Variants in PDE7B observed in about 807,000 individuals in gnomAD.
PDE7B encodes phosphodiesterase 7B.
PDE7B carries 29 observed loss-of-function variants against 56.2 expected under a neutral mutation model. The observed-to-expected ratio is 0.52, with a 90% CI of 0.38 to 0.70. PDE7B has a LOEUF of 0.70. Among genes scored for constraint, PDE7B ranks in the 30% least tolerant of loss-of-function variants. PDE7B has a pLI of 0.00. For synonymous variants in PDE7B, 197 were observed against 196.9 expected, an observed-to-expected ratio of 1.00 and a Z score of 0.00; for missense variants, 490 against 565.0, an observed-to-expected ratio of 0.87 and a Z score of 1.35.
chr6:136,141,703 A>G (rs1235900998), intron 3 of PDE7B, among the ~76,000 whole-genome samples: 3 of 152,142 alleles, frequency 2.0e-5, no homozygotes, highest in African/African-American at 7.2e-5. Context: ...GAGAGGGTGT[A>G]TGTGTCGAGG....
chr6:135,881,135 G>A (rs959764485), intron 1 of PDE7B, among the ~76,000 whole-genome samples: 4 of 151,992 alleles, frequency 2.6e-5, no homozygotes, highest in Admixed American at 2.0e-4. Flanking sequence ...GCCCTATGCT[G>A]TTGTATGAGG....
At chr6:135,937,778 T>G (rs554023571) in intron 1 of PDE7B, among the ~76,000 whole-genome samples, 1 of 152,296 alleles carries the variant, frequency 6.6e-6, no homozygotes, top group Non-Finnish European at 1.5e-5. Context: ...TGTAGACCTC[T>G]GGTCCTGCAG....
chr6:136,091,428 A>G (rs1303147498), intron 2 of PDE7B, among the ~76,000 whole-genome samples: 2 of 152,242 alleles, frequency 1.3e-5, no homozygotes, highest in East Asian at 1.9e-4. Context: ...GGTGGGCAAA[A>G]GCTTATCTTT....
At position 136,007,971 on chromosome 6, in the gene PDE7B, T is replaced by C. The variant is rs372292086; in HGVS notation, c.82+60447T>C. The stretch of plus-strand genomic sequence containing the variant: ...TAACATTAGGTATATCTCCTAATGC[T>C]ATCCCTCCCCCATCCCCCCACCCCA... On this transcript the variant is annotated intron_variant, in intron 2 of 12. Coordinates refer to ENST00000308191, the MANE Select transcript of PDE7B (RefSeq NM_018945.4). 9.9e-5 allele frequency among the ~76,000 whole-genome samples: 15 copies of C among 152,088 alleles called. 1 individual carries two copies. The highest frequency in any genetic ancestry group is 5.2e-4 in the Admixed American group (8 of 15,262).
chr6:136,133,100 C>A (rs926698149), intron 3 of PDE7B, among the ~76,000 whole-genome samples: 1 of 151,942 alleles, frequency 6.6e-6, no homozygotes, highest in African/African-American at 2.4e-5. Flanking sequence ...CCTTTGTAAC[C>A]TATAAAGAAA....
chr6:136,178,877 A>C (rs1233283033), intron 9 of PDE7B, 120 bp from the exon 10 acceptor site: 42 of 1,057,384 alleles, frequency 4.0e-5, no homozygotes, highest in Non-Finnish European at 4.3e-6. Flanking sequence ...CACATTGTGT[A>C]ATAAACAGAA....
intron 2 of PDE7B, among the ~76,000 whole-genome samples, chr6:136,009,410 A>G (rs1042188796): frequency 6.6e-6 from 1 of 152,016 alleles, no homozygotes; most frequent in African/African-American, 2.4e-5. Flanking sequence ...CATTGAATCT[A>G]TAAATTACCT....
chr6:135,912,696 G>A (rs1336444052), intron 1 of PDE7B, among the ~76,000 whole-genome samples: 1 of 152,080 alleles, frequency 6.6e-6, no homozygotes. Context: ...AAATAAACAT[G>A]GGTCTTTAGG....
chr6:135,891,841 G>C (rs1431616052), intron 1 of PDE7B, among the ~76,000 whole-genome samples: 1 of 152,116 alleles, frequency 6.6e-6, no homozygotes, highest in Non-Finnish European at 1.5e-5. Flanking sequence ...TGTGTCCTCT[G>C]CTGTCTGTAG....
intron 2 of PDE7B, among the ~76,000 whole-genome samples, chr6:135,982,231 C>T (rs1399825209): frequency 6.6e-6 from 1 of 152,126 alleles, no homozygotes. Flanking sequence ...ATTATAAGGA[C>T]CTACCGCTTT....
intron 1 of PDE7B, among the ~76,000 whole-genome samples, chr6:135,883,848 C>T (rs1484369917): frequency 1.3e-5 from 2 of 152,206 alleles, no homozygotes; most frequent in Non-Finnish European, 2.9e-5. Context: ...GTACTCAGAT[C>T]ACCAGTGAAA....
chr6:136,108,556 CA>C (rs1777691231), intron 2 of PDE7B, among the ~76,000 whole-genome samples, 174 bp from the exon 3 acceptor site: 1 of 152,116 alleles, frequency 6.6e-6, no homozygotes, highest in Non-Finnish European at 1.5e-5. Flanking sequence ...AGTGTATTGC[CA>C]ACCTCATTAC....
intron 8 of PDE7B, among the ~76,000 whole-genome samples, chr6:136,165,279 G>T (rs554478081): frequency 2.6e-5 from 4 of 151,938 alleles, no homozygotes; most frequent in East Asian, 1.9e-4. Context: ...AGATAAGGTC[G>T]TGTGTGTGTG....
chr6:136,037,992 A>G (rs1163529700), intron 2 of PDE7B: 2 of 1,256,510 alleles, frequency 1.6e-6, no homozygotes, highest in South Asian at 2.8e-5. Context: ...TTCTATCTCT[A>G]AGGAAGGAGT....
intron 2 of PDE7B, among the ~76,000 whole-genome samples, chr6:135,973,235 T>A (rs1775124974): frequency 6.6e-6 from 1 of 152,122 alleles, no homozygotes; most frequent in Non-Finnish European, 1.5e-5. Flanking sequence ...ACAGTATTTG[T>A]CTTTCTGTGA....
At chr6:136,109,044 C>T (rs1259037234) in intron 3 of PDE7B, among the ~76,000 whole-genome samples, 1 of 152,110 alleles carries the variant, frequency 6.6e-6, no homozygotes, top group Non-Finnish European at 1.5e-5. Flanking sequence ...GAGATCAGGT[C>T]AGCTTTAAAA....
At chr6:136,179,598 G>A (rs1012877116) in intron 10 of PDE7B, among the ~76,000 whole-genome samples, 3 of 152,138 alleles carry the variant, frequency 2.0e-5, no homozygotes, top group Non-Finnish European at 4.4e-5. Flanking sequence ...ATGCAGTAAA[G>A]GTCTACCGCA....
intron 2 of PDE7B, among the ~76,000 whole-genome samples, chr6:136,014,840 A>G (rs1775950026): frequency 6.6e-6 from 1 of 152,170 alleles, no homozygotes; most frequent in African/African-American, 2.4e-5. Flanking sequence ...TTTTCCATCA[A>G]TTCAGAACTG....
At chr6:136,045,400 A>G (rs1261050437) in intron 2 of PDE7B, among the ~76,000 whole-genome samples, 1 of 152,210 alleles carries the variant, frequency 6.6e-6, no homozygotes, top group Non-Finnish European at 1.5e-5. Context: ...TTATAAAATT[A>G]TTAGAGGCCC....
Sources: allele counts gnomAD v4.1 joint callset (sites outside exome capture counted in the v4.1 genomes callset), GRCh38; gene constraint gnomAD v4.1.1; transcripts MANE v1.5; gene names NCBI Gene and HGNC (gene_info 2026-07-23, HGNC 2026-07-21).